The following CLEC18B variants were observed in gnomAD, a reference collection of about 807,000 sequenced individuals.
CLEC18B encodes the protein C-type lectin domain family 18 member B, also known as mannose receptor-like 2.
A neutral mutation model predicts 60.4 loss-of-function variants in CLEC18B; 5 were observed. The observed-to-expected ratio is 0.08, with a 90% confidence interval of 0.04 to 0.17. CLEC18B has a LOEUF of 0.17. Ranked by LOEUF, CLEC18B falls within the 10% of genes least tolerant of loss-of-function variation. CLEC18B has a pLI of 1.00. For synonymous variants in CLEC18B, 16 were observed against 221.2 expected (o/e 0.07, Z 8.23); for missense variants, 26 against 572.8 (o/e 0.05, Z 9.74).
chr16:74,418,771 G>C (rs1455358113), intron 2 of CLEC18B, among the ~76,000 whole-genome samples: 5 of 151,928 alleles, frequency 3.3e-5, no homozygotes, highest in Non-Finnish European at 5.9e-5. Context: ...TCCCCACCAC[G>C]CACAGCTGAC....
chr16:74,421,684 G>A (rs1567436708), upstream of CLEC18B: 3 of 364,640 alleles, frequency 8.2e-6, no homozygotes, highest in African/African-American at 2.1e-5. Context: ...GTCCTGGCTG[G>A]GACAGTGTCC....
upstream of CLEC18B, chr16:74,421,765 T>C (rs2013698096): frequency 1.1e-5 from 2 of 184,808 alleles, no homozygotes; most frequent in East Asian, 1.8e-4. Flanking sequence ...ATGGTCCTTC[T>C]GGTGAGCAGG....
upstream of CLEC18B, among the ~76,000 whole-genome samples, chr16:74,423,443 C>CTCTGGGAT (rs2013748996): frequency 6.6e-6 from 1 of 152,302 alleles, no homozygotes; most frequent in Non-Finnish European, 1.5e-5. Context: ...AATCCCAGAA[C>CTCTGGGAT]TCTGGGAGGC....
chr16:74,418,785 G>A (rs1338924740), intron 2 of CLEC18B, among the ~76,000 whole-genome samples: 4 of 134,048 alleles, frequency 3.0e-5, no homozygotes, highest in Admixed American at 7.9e-5. Context: ...AGCTGACCCC[G>A]CCCCCTCCCT....
upstream of CLEC18B, chr16:74,422,175 C>T (rs1399215841): frequency 1.3e-5 from 2 of 151,864 alleles, no homozygotes; most frequent in Non-Finnish European, 2.9e-5. Flanking sequence ...TGCCGTGGCC[C>T]GGCCGTGGCT....
At chr16:74,420,036 G>C (rs932649330) in intron 2 of CLEC18B, among the ~76,000 whole-genome samples, 1 of 152,282 alleles carries the variant, frequency 6.6e-6, no homozygotes, top group Non-Finnish European at 1.5e-5. Flanking sequence ...AGAGAACATG[G>C]GCAAGGCCCG....
chr16:74,413,424 C>T (rs1453934843), intron 4 of CLEC18B, among the ~76,000 whole-genome samples, 155 bp downstream of exon 4: 2 of 152,278 alleles, frequency 1.3e-5, no homozygotes, highest in Admixed American at 1.3e-4. Flanking sequence ...ATCTTTAGCA[C>T]CCTCTGCCTT....
At chr16:74,419,305 G>A (rs1480689246) in intron 2 of CLEC18B, among the ~76,000 whole-genome samples, 3 of 152,090 alleles carry the variant, frequency 2.0e-5, no homozygotes, top group African/African-American at 4.8e-5. Flanking sequence ...AATGTCCATC[G>A]GGGTTTTACC....
At chr16:74,413,365 A>G (rs2013269714) in intron 4 of CLEC18B, among the ~76,000 whole-genome samples, 1 of 152,288 alleles carries the variant, frequency 6.6e-6, no homozygotes, top group Admixed American at 6.5e-5. Context: ...TACCAGGACC[A>G]GTATCCAGGA....
chr16:74,414,386 T>C (rs1357280743), intron 3 of CLEC18B, among the ~76,000 whole-genome samples: 2 of 152,134 alleles, frequency 1.3e-5, no homozygotes, highest in Non-Finnish European at 2.9e-5. Flanking sequence ...GGTGTCTCTT[T>C]CCTTGCTCCT....
chr16:74,422,216 G>C (rs2013714892), upstream of CLEC18B: 1 of 152,406 alleles, frequency 6.6e-6, no homozygotes, highest in African/African-American at 2.4e-5. Context: ...AGCTGGAGCA[G>C]ATCTGCACCA....
upstream of CLEC18B, among the ~76,000 whole-genome samples, chr16:74,423,506 T>A (rs1426250075): frequency 1.3e-5 from 2 of 152,220 alleles, no homozygotes; most frequent in Non-Finnish European, 2.9e-5. Context: ...CTGGCCAACA[T>A]GGTGAAATCC....
upstream of CLEC18B, chr16:74,421,517 T>C (rs2142772634): frequency 1.3e-5 from 6 of 468,820 alleles, no homozygotes; most frequent in South Asian, 1.1e-4. Context: ...GGCCTCGGCC[T>C]GGCCAGCCCG....
upstream of CLEC18B, among the ~76,000 whole-genome samples, chr16:74,423,543 G>T (rs1258144642): frequency 1.4e-4 from 21 of 152,336 alleles, no homozygotes; most frequent in East Asian, 3.3e-3. Flanking sequence ...ACAAAAATTA[G>T]CTGGGCAGGG....
intron 3 of CLEC18B, among the ~76,000 whole-genome samples, 189 bp from the exon 4 acceptor site, chr16:74,413,865 T>TTTA (rs2013304182): frequency 6.6e-6 from 1 of 151,892 alleles, no homozygotes; most frequent in Non-Finnish European, 1.5e-5. Flanking sequence ...TATTTATTTA[T>TTTA]TTATTTATTT....
upstream of CLEC18B, among the ~76,000 whole-genome samples, chr16:74,423,924 A>C (rs2013758744): frequency 6.6e-6 from 1 of 152,196 alleles, no homozygotes; most frequent in Non-Finnish European, 1.5e-5. Context: ...CTTGGTTTCC[A>C]TGGTACTCCC....
chr16:74,423,679 A>C (rs2013753996), upstream of CLEC18B, among the ~76,000 whole-genome samples: 2 of 145,518 alleles, frequency 1.4e-5, no homozygotes, highest in East Asian at 2.1e-4. Context: ...ACAGAGCGAG[A>C]CTCTGTCCCA....
intron 2 of CLEC18B, among the ~76,000 whole-genome samples, chr16:74,420,093 G>A (rs145599906): frequency 0.11 from 15,533 of 143,546 alleles, 696 homozygotes; most frequent in East Asian, 0.41. Context: ...GGTCCTTGCC[G>A]CACAGAAGCC....
Position 74,421,367 on chromosome 16 carries a change from T to A in CLEC18B, c.-97A>T. 6.2e-7 allele frequency: 1 copy of A among 1,604,174 alleles called. No homozygotes were observed. The highest frequency in any genetic ancestry group is 8.5e-7 in the Non-Finnish European group (1 of 1,176,756). On this transcript the variant is annotated 5_prime_UTR_variant, in exon 1 of 12. Transcript: ENST00000682950. ...TGGAGCTATTCACAATCTCCAGGAGTCAGGCTGGGCTGGTGGACAAAAGAG... is the reference window on the plus strand; with the variant it reads ...TGGAGCTATTCACAATCTCCAGGAGACAGGCTGGGCTGGTGGACAAAAGAG...
Sources: gnomAD v4.1 joint callset for allele counts (sites outside exome capture counted in the v4.1 genomes callset) on GRCh38, gnomAD v4.1.1 for gene constraint, MANE v1.5 for transcripts, NCBI Gene and HGNC (gene_info 2026-07-23, HGNC 2026-07-21) for gene names.